TPH1: variants seen among roughly 807,000 people sequenced by gnomAD.
The protein encoded by TPH1 is tryptophan 5-hydroxylase 1.
TPH1 carries 37 observed loss-of-function variants against 49.5 expected under a neutral mutation model. The observed-to-expected ratio is 0.75, with a 90% CI of 0.58 to 0.98. The LOEUF (loss-of-function observed/expected upper bound fraction) is 0.98. Ranked by LOEUF, TPH1 falls within the 50% of genes least tolerant of loss-of-function variation. TPH1 has a pLI of 0.00. For missense variants in TPH1, 487 were observed against 523.6 expected (o/e 0.93, Z 0.68); for synonymous variants, 160 against 182.1 (o/e 0.88, Z 0.98).
In TPH1 at chr11:18,029,359, C is replaced by T. The variant is rs1228447047; in HGVS notation, c.473G>A (p.Gly158Glu). ...GAATTCAACCTTTGGAATGGGGTCT[C>T]CACTAATGAGATAAAGGGAAGGAGT... is the stretch of plus-strand genomic sequence containing the variant. ...FADLAMNYKH[G>E]DPIPKVEFTE... Residue 158 changes from glycine to glutamate, a missense_variant and splice_region_variant, in exon 6 of 11, where the codon GGA becomes GAA. Physicochemically the swap from Gly to Glu is moderately conservative, Grantham distance 98. Coordinates refer to ENST00000682019, the MANE Select transcript of TPH1 (RefSeq NM_004179.3). 1 of 1,613,468 alleles carries T rather than the reference C, an allele frequency of 6.2e-7. No individual in the cohort carries two copies. Among genetic ancestry groups the T allele is most frequent in the South Asian group, 1.1e-5 (1 of 91,066 alleles).
At chr11:18,029,678 A>G in intron 4 of TPH1, 99 bp from the exon 5 acceptor site, 1 of 941,100 alleles carries the variant, frequency 1.1e-6, no homozygotes, top group Non-Finnish European at 1.7e-6. Context: ...ATTATATTAA[A>G]GGGCTACATA....
intron 1 of TPH1, among the ~76,000 whole-genome samples, chr11:18,041,604 G>A (rs150652271): frequency 2.8e-4 from 42 of 152,214 alleles, no homozygotes; most frequent in Non-Finnish European, 3.4e-4. Flanking sequence ...TTTTCCTCAC[G>A]GAAGAAACTA....
Position 18,033,336 on chromosome 11 carries a change from C to A in TPH1, c.340G>T (p.Asp114Tyr). 2 of 1,613,954 alleles carry A rather than the reference C, an allele frequency of 1.2e-6. No homozygotes were observed. The highest frequency in any genetic ancestry group is 8.5e-7 in the Non-Finnish European group (1 of 1,179,940). The change falls in exon 4 of 11, where the codon GAC becomes TAC. Residue 114 changes from aspartate to tyrosine, a missense_variant. By Grantham distance (160) the Asp-to-Tyr change is radical (BLOSUM62 -3). Transcript: ENST00000682019. ...ACTCTGTTGGCACAATGGTCCAGGT[C>A]AGAAATCTTCTTTGGAAACCAAGGA... is the stretch of plus-strand genomic sequence containing the variant. ...TVPWFPKKIS[D>Y]LDHCANRVLM...
At chr11:18,023,825 A>C (rs892930186) in intron 9 of TPH1, 63 bp downstream of exon 9, 1 of 1,349,518 alleles carries the variant, frequency 7.4e-7, no homozygotes, top group East Asian at 2.3e-5. Flanking sequence ...AGCAAAAACT[A>C]TTTCAGGTTT....
At chr11:18,033,239 CA>C (rs1165973038) in intron 4 of TPH1, 34 bp downstream of exon 4, 1 of 1,536,366 alleles carries the variant, frequency 6.5e-7, no homozygotes, top group East Asian at 2.3e-5. Flanking sequence ...GACAGCAGAG[CA>C]AGACTTGCTC....
chr11:18,022,933 T>A lies in TPH1; in HGVS notation c.1027-2A>T. 1 of 1,613,192 alleles carries A rather than the reference T, an allele frequency of 6.2e-7. No homozygotes were observed. Among genetic ancestry groups the A allele is most frequent in the East Asian group, 2.2e-5 (1 of 44,852 alleles). On this transcript the variant is annotated splice_acceptor_variant, in intron 9 of 10. Coordinates refer to ENST00000682019, the MANE Select transcript of TPH1 (RefSeq NM_004179.3). LOFTEE classifies it high-confidence loss of function. ...TTTGGCATGTCCAGAAAGTGCATGC[T>A]AGAAGACAAAGAGTCAGTGAATCAA...
chr11:18,040,999 T>C (rs1015668521), intron 1 of TPH1: 1 of 406,856 alleles, frequency 2.5e-6, no homozygotes, highest in Admixed American at 4.1e-5. Flanking sequence ...TACATGTTAG[T>C]AGTTCCCTTT....
At chr11:18,044,386 C>T (rs1010100241) in intron 1 of TPH1, among the ~76,000 whole-genome samples, 1 of 152,060 alleles carries the variant, frequency 6.6e-6, no homozygotes, top group African/African-American at 2.4e-5. Flanking sequence ...CACGCCACTG[C>T]ACTCCAGCCC....
At position 18,040,790 on chromosome 11, in the gene TPH1, T is replaced by C. The variant is rs1278455137; in HGVS notation, c.-26-2A>G. 1 of 1,607,738 alleles carries C rather than the reference T, an allele frequency of 6.2e-7. No homozygotes were observed. ...TGAATTTGGAGTAATTCTCTAAAAC[T>C]AAAGTATGAAAACAAAGACTACGGG... is the stretch of plus-strand genomic sequence containing the variant. On this transcript the variant is annotated splice_acceptor_variant, in intron 1 of 10. Coordinates refer to ENST00000682019, the MANE Select transcript of TPH1 (RefSeq NM_004179.3). LOFTEE classifies it low-confidence loss of function (5UTR_SPLICE).
chr11:18,030,836 C>A (rs1316961262), intron 4 of TPH1, among the ~76,000 whole-genome samples: 1 of 152,082 alleles, frequency 6.6e-6, no homozygotes, highest in Non-Finnish European at 1.5e-5. Flanking sequence ...ATATAAGCAA[C>A]CCCATGTTGC....
chr11:18,034,535 T>TTCAGGCATGGTGAGGAGCCC, intron 3 of TPH1, among the ~76,000 whole-genome samples: 1 of 152,278 alleles, frequency 6.6e-6, no homozygotes, highest in South Asian at 2.1e-4. Context: ...CAACAGAGGC[T>TTCAGGCATGGTGAGGAGCCC]TCAGGCATGG....
intron 1 of TPH1, among the ~76,000 whole-genome samples, chr11:18,042,761 T>A (rs1848109989): frequency 6.6e-6 from 1 of 152,222 alleles, no homozygotes; most frequent in South Asian, 2.1e-4. Context: ...AATGTTCAAG[T>A]AATGAAATAG....
At chr11:18,027,866 A>G (rs939009276) in intron 6 of TPH1, among the ~76,000 whole-genome samples, 2 of 152,216 alleles carry the variant, frequency 1.3e-5, no homozygotes, top group Non-Finnish European at 2.9e-5. Context: ...TCCCTTGTAG[A>G]AACTGTATTG....
In TPH1 at chr11:18,032,537, CTTTTTTT is replaced by C. The variant is rs34366393; in HGVS notation, c.402+730_402+736del. 1.0e-4 allele frequency among the ~76,000 whole-genome samples: 9 copies of C among 86,330 alleles called. No homozygotes were observed. The South Asian group carries it at 2.4e-3, about 23-fold the overall frequency. 56.6% of individuals were successfully genotyped at this position (86,330 alleles called of 152,430 possible). On this transcript the variant is annotated intron_variant, in intron 4 of 10. Transcript: ENST00000682019. ...GAGGTCTACTAACACTTGTTGAAAT[CTTTTTTT>C]TTTTTTTTTTTTTTTTTTTGAGACA...
rs780015635 is a variant in TPH1, at chr11:18,025,616, A to G, written c.889T>C (p.Ser297Pro). The G allele has an allele frequency of 4.3e-6, 7 of 1,613,888 alleles. No individual in the cohort carries two copies. The highest frequency in any genetic ancestry group is 5.9e-6 in the Non-Finnish European group (7 of 1,179,908). ...ACAGCCTCCTCTGAAGCGCCAAGAG[A>G]AGCCAAGCCAATTTCTTGGGAGAAT... ...AQFSQEIGLASLGASEEAVQK... is the reference protein window; with the variant it reads ...AQFSQEIGLAPLGASEEAVQK... The change falls in exon 8 of 11, where the codon TCT becomes CCT. Residue 297 changes from serine (S) to proline (P), a missense_variant. By Grantham distance (74) the Ser-to-Pro change is moderately conservative. Transcript: ENST00000682019.
At chr11:18,036,239 A>C in intron 2 of TPH1, 97 bp from the exon 3 acceptor site, 2 of 871,006 alleles carry the variant, frequency 2.3e-6, no homozygotes, top group Non-Finnish European at 3.7e-6. Context: ...TCAGATTCAC[A>C]CTTCTCAGAA....
At chr11:18,029,709 T>C in intron 4 of TPH1, 130 bp from the exon 5 acceptor site, 1 of 726,200 alleles carries the variant, frequency 1.4e-6, no homozygotes, top group Non-Finnish European at 2.3e-6. Context: ...TGAGCAAGCA[T>C]TATTTAGAGA....
At chr11:18,034,917 GT>G (rs1365999314) in intron 3 of TPH1, among the ~76,000 whole-genome samples, 1 of 152,192 alleles carries the variant, frequency 6.6e-6, no homozygotes, top group Non-Finnish European at 1.5e-5. Flanking sequence ...CCAGGGAGTG[GT>G]TTTGTGGAAG....
chr11:18,044,903 T>C (rs1196580377), intron 1 of TPH1, among the ~76,000 whole-genome samples: 1 of 152,196 alleles, frequency 6.6e-6, no homozygotes, highest in African/African-American at 2.4e-5. Context: ...TGGTACCCTT[T>C]TCTCATGAAA....
Sources: allele counts gnomAD v4.1 joint callset (sites outside exome capture counted in the v4.1 genomes callset), GRCh38; gene constraint gnomAD v4.1.1; transcripts MANE v1.5; gene names NCBI Gene and HGNC (gene_info 2026-07-23, HGNC 2026-07-21).